The following GALNT13 variants were observed in gnomAD, a reference collection of about 807,000 sequenced individuals.
GALNT13 encodes UDP-GalNAc:polypeptide N-acetylgalactosaminyltransferase 13.
A neutral mutation model predicts 64.2 loss-of-function variants in GALNT13; 28 were observed. That is an observed-to-expected ratio of 0.44 (90% confidence interval 0.32 to 0.60). The LOEUF is 0.60. Among genes scored for constraint, GALNT13 ranks in the 20% least tolerant of loss-of-function variants. The pLI is 0.05. For synonymous variants in GALNT13, 214 were observed against 224.6 expected (o/e 0.95, Z 0.42); for missense variants, 577 against 669.8 (o/e 0.86, Z 1.53).
chr2:153,618,086 A>G, the GALNT13 span, among the ~76,000 whole-genome samples: 1 of 149,662 alleles, frequency 6.7e-6, no homozygotes, highest in Non-Finnish European at 1.5e-5. Flanking sequence ...TTTGCTTTTG[A>G]TTTTCTAGTT....
At chr2:154,008,132 C>G (rs1696383261) in intron 3 of GALNT13, among the ~76,000 whole-genome samples, 1 of 152,164 alleles carries the variant, frequency 6.6e-6, no homozygotes, top group Admixed American at 6.6e-5. Context: ...AGGATCAACT[C>G]CCAAATTCCA....
chr2:153,484,502 C>G, the GALNT13 span, among the ~76,000 whole-genome samples: 1 of 152,068 alleles, frequency 6.6e-6, no homozygotes, highest in African/African-American at 2.4e-5. Flanking sequence ...TTAGTAAAAA[C>G]TATTATTTTT....
At chr2:153,656,286 T>C in the GALNT13 span, among the ~76,000 whole-genome samples, 2 of 151,876 alleles carry the variant, frequency 1.3e-5, no homozygotes, top group East Asian at 3.9e-4. Flanking sequence ...TGCTTTGTTA[T>C]ATGTTTGACC....
chr2:153,529,158 A>G, the GALNT13 span, among the ~76,000 whole-genome samples: 4 of 151,952 alleles, frequency 2.6e-5, no homozygotes, highest in African/African-American at 9.7e-5. Flanking sequence ...GTTAAACAAA[A>G]CTTACAAACT....
the GALNT13 span, among the ~76,000 whole-genome samples, chr2:153,443,277 C>T: frequency 7.2e-5 from 11 of 152,170 alleles, no homozygotes; most frequent in Non-Finnish European, 1.5e-5. Context: ...GACAGTCCCT[C>T]ACAGCTTCCG....
chr2:154,020,777 T>C (rs942044790), intron 3 of GALNT13, among the ~76,000 whole-genome samples: 3 of 151,918 alleles, frequency 2.0e-5, no homozygotes, highest in African/African-American at 7.2e-5. Flanking sequence ...TCCTTGCCCA[T>C]GCCTATGTCC....
At chr2:153,875,139 G>A (rs1686272279) in intron 1 of GALNT13, among the ~76,000 whole-genome samples, 1 of 151,568 alleles carries the variant, frequency 6.6e-6, no homozygotes, top group South Asian at 2.1e-4. Context: ...TGAGATGTGC[G>A]ATACTGCATG....
At chr2:154,257,965 C>A (rs1690470599) in intron 7 of GALNT13, among the ~76,000 whole-genome samples, 1 of 152,036 alleles carries the variant, frequency 6.6e-6, no homozygotes, top group African/African-American at 2.4e-5. Flanking sequence ...CAAAGTCGGG[C>A]CCCACCCCAA....
At position 153,944,129 on chromosome 2, in the gene GALNT13, A is replaced by G. The variant is rs533910586; in HGVS notation, c.-104-265A>G. Among the ~76,000 whole-genome samples, 5 of 152,274 alleles carry G rather than the reference A, an allele frequency of 3.3e-5. No individual in the cohort carries two copies. The East Asian group carries it at 9.7e-4, about 29-fold the overall frequency. On this transcript the variant is annotated intron_variant, in intron 2 of 12. Transcript: ENST00000392825. Reference sequence around the variant, plus strand: ...TAAAGAATATCATGATATGACTTTAAGTTCATTACAATACAACTTAAAGGA... The same window carrying G: ...TAAAGAATATCATGATATGACTTTAGGTTCATTACAATACAACTTAAAGGA...
the GALNT13 span, among the ~76,000 whole-genome samples, chr2:153,685,683 T>C: frequency 6.6e-6 from 1 of 152,120 alleles, no homozygotes; most frequent in Non-Finnish European, 1.5e-5. Context: ...ACCCCATTTG[T>C]CAATTTTTGC....
the GALNT13 span, among the ~76,000 whole-genome samples, chr2:153,293,617 T>C: frequency 2.0e-5 from 3 of 152,052 alleles, no homozygotes; most frequent in Non-Finnish European, 4.4e-5. Flanking sequence ...GACAAGAAAT[T>C]TGTGTTTTAA....
chr2:153,992,511 A>G (rs1574282404), intron 3 of GALNT13, among the ~76,000 whole-genome samples: 2 of 152,200 alleles, frequency 1.3e-5, no homozygotes, highest in South Asian at 2.1e-4. Flanking sequence ...TTCATTTTAC[A>G]TATAATTCAT....
At chr2:153,414,954 A>G in the GALNT13 span, among the ~76,000 whole-genome samples, 1 of 152,250 alleles carries the variant, frequency 6.6e-6, no homozygotes, top group African/African-American at 2.4e-5. Context: ...GGGAACAAGG[A>G]GGGAGTTTTA....
the GALNT13 span, among the ~76,000 whole-genome samples, chr2:153,094,376 T>C: frequency 6.6e-6 from 1 of 152,042 alleles, no homozygotes; most frequent in Admixed American, 6.6e-5. Context: ...CACTGCTCAA[T>C]GAAATAAAAG....
At position 154,027,797 on chromosome 2, in the gene GALNT13, A is replaced by G. The variant is rs115979435; in HGVS notation, c.142+83158A>G. 1.3e-3 allele frequency among the ~76,000 whole-genome samples: 191 copies of G among 152,266 alleles called. 2 individuals are homozygous for G. Among genetic ancestry groups the G allele is most frequent in the Non-Finnish European group, 1.6e-3 (106 of 68,002 alleles). ...ATATATCTCCAGGTATTTTCACAGAACAGCTTAATGACAAAGACATTTCCT... is the reference window on the plus strand; with the variant it reads ...ATATATCTCCAGGTATTTTCACAGAGCAGCTTAATGACAAAGACATTTCCT... On this transcript the variant is annotated intron_variant, in intron 3 of 12. Transcript: ENST00000392825.
the GALNT13 span, among the ~76,000 whole-genome samples, chr2:153,420,477 A>AATTTT: frequency 2.0e-5 from 3 of 152,206 alleles, no homozygotes; most frequent in Non-Finnish European, 2.9e-5. Flanking sequence ...TGTATATGGA[A>AATTTT]ATTTTATTTT....
At chr2:153,213,190 T>C in the GALNT13 span, among the ~76,000 whole-genome samples, 1 of 152,258 alleles carries the variant, frequency 6.6e-6, no homozygotes, top group African/African-American at 2.4e-5. Flanking sequence ...ATGGGCTTTA[T>C]GTTTGCATTG....
chr2:153,806,028 C>T, the GALNT13 span, among the ~76,000 whole-genome samples: 2 of 151,956 alleles, frequency 1.3e-5, no homozygotes, highest in African/African-American at 4.8e-5. Flanking sequence ...ACCAAAGAGC[C>T]TAGAAACAAT....
chr2:153,748,737 G>C, the GALNT13 span, among the ~76,000 whole-genome samples: 3 of 151,916 alleles, frequency 2.0e-5, no homozygotes, highest in Non-Finnish European at 4.4e-5. Context: ...TCTTCACTTT[G>C]TTGAGTGTAT....
Sources: gnomAD v4.1 joint callset for allele counts (sites outside exome capture counted in the v4.1 genomes callset) on GRCh38, gnomAD v4.1.1 for gene constraint, MANE v1.5 for transcripts, NCBI Gene and HGNC (gene_info 2026-07-23, HGNC 2026-07-21) for gene names.